The following MYO6 variants were observed in gnomAD, a reference collection of about 807,000 sequenced individuals.
MYO6 encodes unconventional myosin-VI.
A neutral mutation model predicts 178.7 loss-of-function variants in MYO6; 74 were observed. The ratio of observed to expected loss-of-function variants is 0.41; its 90% CI spans 0.34 to 0.50. The LOEUF (loss-of-function observed/expected upper bound fraction) is 0.50. Among genes scored for constraint, MYO6 ranks in the 20% least tolerant of loss-of-function variants. The pLI is 0.09. For missense variants in MYO6, 1,330 were observed against 1,547.4 expected, an observed-to-expected ratio of 0.86 and a Z score of 2.36; for synonymous variants, 477 against 504.6, an observed-to-expected ratio of 0.95 and a Z score of 0.73.
At chr6:75,763,816 C>T (rs896030612) in intron 1 of MYO6, among the ~76,000 whole-genome samples, 4 of 152,076 alleles carry the variant, frequency 2.6e-5, no homozygotes, top group Admixed American at 6.6e-5. Flanking sequence ...AGAGAGATAA[C>T]TTAAAAACTT....
chr6:75,832,756 A>G (rs995168878), intron 5 of MYO6, 86 bp from the exon 6 acceptor site: 27 of 767,208 alleles, frequency 3.5e-5, no homozygotes, highest in Admixed American at 9.8e-5. Context: ...GATTTCTTTA[A>G]GAGTAAGTGG....
Position 75,855,093 on chromosome 6 carries a change from GT to G in MYO6, c.1079-43del, listed in dbSNP as rs1562250987. 2.7e-6 allele frequency: 4 copies of G among 1,482,730 alleles called. No individual in the cohort carries two copies. In the East Asian group the frequency reaches 9.9e-5, roughly 37 times the overall value. The allele number at this position is 1,482,730 out of a possible 1,614,324, so 91.8% of individuals were successfully genotyped here. A position where few individuals can be genotyped will look rare whatever the true frequency, so the allele number is the denominator to read the frequency against. On this transcript the variant is annotated intron_variant, in intron 11 of 34. Coordinates refer to ENST00000369977, the MANE Select transcript of MYO6 (RefSeq NM_004999.4). ...CTAAGAAATGGGTCTTGAAAATCTG[GT>G]TTATATAATACTTATTAATTTCAAT...
rs192992043 is a variant in MYO6, at chr6:75,901,990, T to C, written c.3176+3579T>C. Among the ~76,000 whole-genome samples the C allele has an allele frequency of 8.5e-3, 1,301 of 152,270 alleles. 6 individuals are homozygous for C. Among genetic ancestry groups the C allele is most frequent in the African/African-American group, 0.026 (1,096 of 41,524 alleles). On this transcript the variant is annotated intron_variant, in intron 30 of 34. Coordinates refer to ENST00000369977, the MANE Select transcript of MYO6 (RefSeq NM_004999.4). Reference sequence around the variant, plus strand: ...TGCATCTATTGAGATAATCATGTGGTTTTTGTCTTTGGTTCTGTTTATATG... The same window carrying C: ...TGCATCTATTGAGATAATCATGTGGCTTTTGTCTTTGGTTCTGTTTATATG...
chr6:75,825,725 C>CT (rs1772399399), intron 3 of MYO6, among the ~76,000 whole-genome samples: 1 of 152,048 alleles, frequency 6.6e-6, no homozygotes, highest in Non-Finnish European at 1.5e-5. Context: ...TTTGTGGGTT[C>CT]TTTTTTTCTT....
chr6:75,784,501 C>T (rs1242803075), intron 1 of MYO6, among the ~76,000 whole-genome samples: 3 of 151,388 alleles, frequency 2.0e-5, no homozygotes, highest in Non-Finnish European at 4.4e-5. Flanking sequence ...TTGCCCGGCG[C>T]GGTGGCTCAT....
chr6:75,882,405 G>A (rs780345672), intron 23 of MYO6, among the ~76,000 whole-genome samples: 2 of 152,044 alleles, frequency 1.3e-5, no homozygotes, highest in African/African-American at 4.8e-5. Context: ...TTCATAAAAG[G>A]TGAAGTCTAA....
chr6:75,825,937 T>C (rs1201020147), intron 3 of MYO6, among the ~76,000 whole-genome samples: 3 of 152,188 alleles, frequency 2.0e-5, no homozygotes, highest in African/African-American at 7.2e-5. Context: ...TTATGTTAAA[T>C]TGTTTCAAAA....
At chr6:75,874,910 T>C (rs922745363) in intron 20 of MYO6, among the ~76,000 whole-genome samples, 4 of 152,240 alleles carry the variant, frequency 2.6e-5, no homozygotes, top group African/African-American at 9.6e-5. Context: ...AATGTCCCTT[T>C]TGCAGTCCTT....
intron 5 of MYO6, among the ~76,000 whole-genome samples, chr6:75,831,991 T>C (rs1773147251): frequency 1.3e-5 from 2 of 152,174 alleles, no homozygotes; most frequent in South Asian, 4.1e-4. Flanking sequence ...AAAAGCCGTT[T>C]CTGAAGTCTT....
At chr6:75,791,078 G>A (rs1348523020) in intron 1 of MYO6, among the ~76,000 whole-genome samples, 1 of 152,068 alleles carries the variant, frequency 6.6e-6, no homozygotes, top group Non-Finnish European at 1.5e-5. Context: ...GACTACAGGC[G>A]CCTGCCACCA....
At chr6:75,766,638 G>A (rs1274525847) in intron 1 of MYO6, among the ~76,000 whole-genome samples, 1 of 152,166 alleles carries the variant, frequency 6.6e-6, no homozygotes, top group African/African-American at 2.4e-5. Flanking sequence ...TGTAATTGGT[G>A]ACTCAAATAT....
intron 32 of MYO6, among the ~76,000 whole-genome samples, chr6:75,909,941 A>C (rs185928553): frequency 6.6e-6 from 1 of 152,328 alleles, no homozygotes; most frequent in Admixed American, 6.5e-5. Context: ...TGTTGCAAAG[A>C]ATAGATTGAG....
rs1275189417 is a variant in MYO6, at chr6:75,886,829, G to A, written c.2508-15G>A. The A allele has an allele frequency of 6.2e-7, 1 of 1,601,354 alleles. No individual in the cohort carries two copies. The highest frequency in any genetic ancestry group is 2.3e-5 in the East Asian group (1 of 43,476). On this transcript the variant is annotated splice_polypyrimidine_tract_variant and intron_variant, in intron 24 of 34. Coordinates refer to ENST00000369977, the MANE Select transcript of MYO6 (RefSeq NM_004999.4). ...AAGGATGAAATTAAGCTCTAATGAA[G>A]TATTATTTTTACAGCATTGATGGTC...
chr6:75,764,411 T>C (rs1454654280), intron 1 of MYO6, among the ~76,000 whole-genome samples: 1 of 152,192 alleles, frequency 6.6e-6, no homozygotes, highest in Non-Finnish European at 1.5e-5. Flanking sequence ...TAGTCATTCT[T>C]ACCCATCTTT....
At chr6:75,777,470 T>C (rs1211247669) in intron 1 of MYO6, among the ~76,000 whole-genome samples, 2 of 151,930 alleles carry the variant, frequency 1.3e-5, no homozygotes, top group African/African-American at 2.4e-5. Flanking sequence ...CTGTGTCACC[T>C]GGGCTACAGT....
chr6:75,778,647 A>G (rs939521725), intron 1 of MYO6, among the ~76,000 whole-genome samples: 1 of 152,168 alleles, frequency 6.6e-6, no homozygotes, highest in South Asian at 2.1e-4. Flanking sequence ...CCCGAAGAGA[A>G]AAAAAGGCAT....
At chr6:75,796,677 A>C (rs961894079) in intron 1 of MYO6, among the ~76,000 whole-genome samples, 6 of 140,176 alleles carry the variant, frequency 4.3e-5, no homozygotes, top group African/African-American at 1.6e-4. Context: ...TATATTGCCC[A>C]TGCTGGTCTT....
rs946033710 is a variant in MYO6, at chr6:75,873,316, C to T, written c.2077+16C>T. 1.3e-6 allele frequency: 2 copies of T among 1,577,930 alleles called. No homozygotes were observed. The highest frequency in any genetic ancestry group is 1.7e-6 in the Non-Finnish European group (2 of 1,147,212). ...CAGTGTTCAGGTATTTTCATAATCT[C>T]TGTCAGTGTGTGTTAGTAGTCATAG... On this transcript the variant is annotated intron_variant, in intron 20 of 34. Coordinates refer to ENST00000369977, the MANE Select transcript of MYO6 (RefSeq NM_004999.4).
chr6:75,789,330 A>G (rs1030360062), intron 1 of MYO6, among the ~76,000 whole-genome samples: 4 of 152,180 alleles, frequency 2.6e-5, no homozygotes, highest in South Asian at 2.1e-4. Flanking sequence ...AAAAGTGCCT[A>G]TTGGAGATAC....
Sources: gnomAD v4.1 joint callset for allele counts (sites outside exome capture counted in the v4.1 genomes callset) on GRCh38, gnomAD v4.1.1 for gene constraint, MANE v1.5 for transcripts, NCBI Gene and HGNC (gene_info 2026-07-23, HGNC 2026-07-21) for gene names.